The following CTNNA3 variants were observed in gnomAD, a reference collection of about 807,000 sequenced individuals.
CTNNA3 encodes the protein catenin alpha 3.
Under a neutral mutation model 95.7 loss-of-function variants are expected in CTNNA3, and 76 were observed. The observed-to-expected ratio is 0.79, with a 90% CI of 0.66 to 0.96. The LOEUF (loss-of-function observed/expected upper bound fraction) is 0.96, where lower values mean the gene tolerates loss of function less well. Among genes scored for constraint, CTNNA3 ranks in the 40% least tolerant of loss-of-function variants. The probability of loss-of-function intolerance (pLI) is 0.00; values close to 1 mark genes in which losing one functional copy is unlikely to be tolerated. For missense variants in CTNNA3, 1,191 were observed against 1,089.8 expected (o/e 1.09, Z -1.31); for synonymous variants, 431 against 374.4 (o/e 1.15, Z -1.74).
intron 9 of CTNNA3, among the ~76,000 whole-genome samples, chr10:66,677,253 TA>T (rs141019871): frequency 0.075 from 11,438 of 152,040 alleles, 484 homozygotes; most frequent in Middle Eastern, 0.13. Context: ...TAAGTGTTAC[TA>T]AAAAAACATA....
chr10:67,726,432 C>G (rs1368999652), intron 1 of CTNNA3, among the ~76,000 whole-genome samples: 3 of 51,420 alleles, frequency 5.8e-5, no homozygotes, highest in East Asian at 1.6e-3. Flanking sequence ...TATATTATAT[C>G]ATATATAATA....
intron 7 of CTNNA3, among the ~76,000 whole-genome samples, chr10:66,874,417 T>G (rs1206609518): frequency 6.6e-6 from 1 of 152,214 alleles, no homozygotes; most frequent in African/African-American, 2.4e-5. Flanking sequence ...AGAACTGTTA[T>G]AGAAATAAAT....
intron 2 of CTNNA3, among the ~76,000 whole-genome samples, chr10:67,637,327 AGAAAT>A (rs971108397): frequency 3.3e-5 from 5 of 152,226 alleles, no homozygotes; most frequent in African/African-American, 9.6e-5. Flanking sequence ...AAGAATAAAA[AGAAAT>A]GAACAAAGCC....
At chr10:66,008,709 CTA>C (rs2078945449) in intron 15 of CTNNA3, among the ~76,000 whole-genome samples, 1 of 152,102 alleles carries the variant, frequency 6.6e-6, no homozygotes, top group African/African-American at 2.4e-5. Flanking sequence ...ATAAAAGAAA[CTA>C]TTTTAAATAT....
chr10:65,951,295 G>T (rs1228881519), intron 17 of CTNNA3, among the ~76,000 whole-genome samples: 1 of 152,144 alleles, frequency 6.6e-6, no homozygotes, highest in Non-Finnish European at 1.5e-5. Context: ...TAAGATCAGA[G>T]ATTCTGATTT....
intron 15 of CTNNA3, among the ~76,000 whole-genome samples, chr10:66,057,130 T>G (rs879582287): frequency 4.6e-5 from 7 of 152,166 alleles, no homozygotes; most frequent in Non-Finnish European, 8.8e-5. Flanking sequence ...AAAGCTTTCC[T>G]TTTCCCTGCC....
chr10:67,512,717 T>C (rs554312309), intron 5 of CTNNA3, among the ~76,000 whole-genome samples: 6 of 149,004 alleles, frequency 4.0e-5, no homozygotes, highest in East Asian at 2.0e-4. Flanking sequence ...CCAGGAGCGG[T>C]GGCTCACACC....
chr10:67,445,662 G>A (rs1846719220), intron 5 of CTNNA3, among the ~76,000 whole-genome samples: 1 of 152,186 alleles, frequency 6.6e-6, no homozygotes, highest in Non-Finnish European at 1.5e-5. Flanking sequence ...GCATAGCAGA[G>A]AGGTCTTTGG....
At chr10:66,083,508 A>G (rs2080850747) in intron 14 of CTNNA3, among the ~76,000 whole-genome samples, 2 of 152,182 alleles carry the variant, frequency 1.3e-5, no homozygotes, top group South Asian at 4.1e-4. Context: ...ATGAAAAAAT[A>G]AAATTTCTCT....
At chr10:66,728,524 G>A (rs1359007508) in intron 9 of CTNNA3, among the ~76,000 whole-genome samples, 2 of 152,024 alleles carry the variant, frequency 1.3e-5, no homozygotes, top group Admixed American at 1.3e-4. Context: ...TGTCCTGAAT[G>A]GTATTGCCTA....
chr10:66,076,743 G>C (rs1289824633), intron 14 of CTNNA3, among the ~76,000 whole-genome samples: 3 of 151,682 alleles, frequency 2.0e-5, no homozygotes, highest in Non-Finnish European at 4.4e-5. Context: ...GATAGTGATT[G>C]ACATTTGTTC....
chr10:66,351,071 AG>A (rs2092563421), intron 12 of CTNNA3, among the ~76,000 whole-genome samples: 1 of 152,068 alleles, frequency 6.6e-6, no homozygotes, highest in Non-Finnish European at 1.5e-5. Context: ...CAAAAACAAA[AG>A]TCTGTAATTT....
At chr10:66,453,651 C>T (rs1589273835) in intron 11 of CTNNA3, among the ~76,000 whole-genome samples, 1 of 152,278 alleles carries the variant, frequency 6.6e-6, no homozygotes, top group African/African-American at 2.4e-5. Context: ...AGACTAATAA[C>T]CACTAACATT....
At chr10:66,607,130 C>T (rs1198520758) in intron 10 of CTNNA3, among the ~76,000 whole-genome samples, 4 of 151,916 alleles carry the variant, frequency 2.6e-5, no homozygotes, top group Non-Finnish European at 5.9e-5. Flanking sequence ...TACAAATAAT[C>T]ATCAGAAAAC....
intron 12 of CTNNA3, among the ~76,000 whole-genome samples, chr10:66,314,226 T>C (rs2092067156): frequency 6.6e-6 from 1 of 152,076 alleles, no homozygotes; most frequent in Non-Finnish European, 1.5e-5. Flanking sequence ...AGCACAAGAC[T>C]AGATGTCCTA....
intron 5 of CTNNA3, among the ~76,000 whole-genome samples, chr10:67,375,264 G>A (rs565707216): frequency 6.6e-6 from 1 of 152,224 alleles, no homozygotes; most frequent in African/African-American, 2.4e-5. Context: ...GCAATATCTG[G>A]ATAAATTATT....
chr10:65,920,341 G>T lies in CTNNA3; in HGVS notation c.2677C>A (p.Gln893Lys), dbSNP rs750697572. 2.5e-6 allele frequency: 4 copies of T among 1,613,362 alleles called. No individual in the cohort carries two copies. Among genetic ancestry groups the T allele is most frequent in the East Asian group, 2.2e-5 (1 of 44,886 alleles). ...GTAGAATAGTGGTTTCAGTAGATTTGTCTTCCTCTAAATTCACTCATGACT... is the reference window on the plus strand; with the variant it reads ...GTAGAATAGTGGTTTCAGTAGATTTTTCTTCCTCTAAATTCACTCATGACT... ...LQVMSEFRGRQIY is the reference protein window; with the variant it reads ...LQVMSEFRGRKIY Residue 893 changes from glutamine to lysine, a missense_variant, in exon 18 of 18, where the codon CAA becomes AAA. By Grantham distance (53) the Gln-to-Lys change is moderately conservative. Transcript: ENST00000433211.
chr10:67,050,563 C>T lies in CTNNA3; in HGVS notation c.1047+129754G>A, dbSNP rs1855023278. ...TTACTGCAGCAAAACCTAAGACCAC[C>T]TTCCCTCTGTAGCTCGAGTGGGAGA... On this transcript the variant is annotated intron_variant, in intron 7 of 17. Transcript: ENST00000433211. 2.0e-5 allele frequency among the ~76,000 whole-genome samples: 3 copies of T among 152,290 alleles called. No homozygotes were observed. In the South Asian group the frequency reaches 6.2e-4, roughly 32 times the overall value.
chr10:65,975,814 T>A (rs1036079111), intron 16 of CTNNA3, among the ~76,000 whole-genome samples: 2 of 152,126 alleles, frequency 1.3e-5, no homozygotes, highest in African/African-American at 4.8e-5. Context: ...GCATACACAA[T>A]AATCTCTTCT....
Sources: gnomAD v4.1 joint callset for allele counts (sites outside exome capture counted in the v4.1 genomes callset) on GRCh38, gnomAD v4.1.1 for gene constraint, MANE v1.5 for transcripts, NCBI Gene and HGNC (gene_info 2026-07-23, HGNC 2026-07-21) for gene names.